BCAS3: variants seen among roughly 807,000 people sequenced by gnomAD.
The protein encoded by BCAS3 is BCAS3 microtubule associated cell migration factor.
BCAS3 carries 53 observed loss-of-function variants against 116.1 expected under a neutral mutation model. That is an observed-to-expected ratio of 0.46 (90% CI 0.37 to 0.57). The LOEUF is 0.57. Ranked by LOEUF, BCAS3 falls within the 20% of genes least tolerant of loss-of-function variation. BCAS3 has a pLI of 0.00. For synonymous variants in BCAS3, 391 were observed against 408.2 expected, an observed-to-expected ratio of 0.96 and a Z score of 0.51; for missense variants, 917 against 1,165.4, an observed-to-expected ratio of 0.79 and a Z score of 3.10.
intron 6 of BCAS3, among the ~76,000 whole-genome samples, chr17:60,777,154 A>G (rs747797071): frequency 6.6e-6 from 1 of 152,164 alleles, no homozygotes; most frequent in Non-Finnish European, 1.5e-5. Context: ...CGTGACTTCC[A>G]TGCTACCACT....
In BCAS3 at chr17:61,128,195, A is replaced by G. The variant is rs1370436870; in HGVS notation, c.2425+43631A>G. 4.6e-5 allele frequency: 45 copies of G among 985,344 alleles called. No homozygotes were observed. The highest frequency in any genetic ancestry group is 5.2e-5 in the Non-Finnish European group (43 of 829,938). The allele number at this position is 985,344 out of a possible 1,614,324, so 61.0% of individuals were successfully genotyped here. ...TCTTTTAGGAAGCCTTCCACCAGGA[A>G]TAGTGTGAGTCAAGGATGAGTACAT... On this transcript the variant is annotated intron_variant, in intron 22 of 23. Transcript: ENST00000407086. The surrounding 1 kb of genome is among the most constrained non-coding windows in gnomAD (Gnocchi z 4.1).
chr17:61,049,153 T>C (rs1306450101), intron 19 of BCAS3, among the ~76,000 whole-genome samples: 2 of 151,818 alleles, frequency 1.3e-5, no homozygotes, highest in South Asian at 4.2e-4. Context: ...TTTGAAAAAT[T>C]AGCCAGGTAT....
chr17:61,116,635 G>T (rs1263929349), intron 22 of BCAS3, among the ~76,000 whole-genome samples: 1 of 151,914 alleles, frequency 6.6e-6, no homozygotes, highest in Non-Finnish European at 1.5e-5. Context: ...TTTTCCCTTT[G>T]TTAAGAGATC....
In BCAS3 at chr17:60,902,623, A is replaced by G. The variant is rs775551528; in HGVS notation, c.742A>G (p.Ile248Val). 1 of 1,607,156 alleles carries G rather than the reference A, an allele frequency of 6.2e-7. No homozygotes were observed. Among genetic ancestry groups the G allele is most frequent in the Non-Finnish European group, 8.5e-7 (1 of 1,173,802 alleles). The change falls in exon 11 of 24, where the codon ATT becomes GTT. Residue 248 changes from isoleucine (I) to valine (V), a missense_variant. This residue lies in a region of BCAS3 where 807 missense variants were observed against 1,026.0 expected (regional missense o/e 0.79). Coordinates refer to ENST00000407086, the MANE Select transcript of BCAS3 (RefSeq NM_017679.5). ...TCTCTCTCTCTCTTTTTCTCAGTTG[A>G]TTCGATGTCATCAGTCCCGTGGTGG... ...RWLAYAENKLIRCHQSRGGAC... is the reference protein window; with the variant it reads ...RWLAYAENKLVRCHQSRGGAC...
chr17:60,758,823 T>C (rs1326021890), intron 6 of BCAS3, among the ~76,000 whole-genome samples: 1 of 152,250 alleles, frequency 6.6e-6, no homozygotes, highest in Non-Finnish European at 1.5e-5. Flanking sequence ...GTGTTTCCAT[T>C]TTAATTTGTT....
rs1299847296 is a variant in BCAS3 at position 61,083,405 on chromosome 17, T to G, written c.2328-1062T>G. 6.6e-6 allele frequency among the ~76,000 whole-genome samples: 1 copy of G among 152,188 alleles called. No individual in the cohort carries two copies. The highest frequency in any genetic ancestry group is 2.4e-5 in the African/African-American group (1 of 41,440). Reference sequence around the variant, plus strand: ...GAGTAATGCCTACAAGCAATTAATATTCAGTAAATACTTACTGTATGAATG... The same window carrying G: ...GAGTAATGCCTACAAGCAATTAATAGTCAGTAAATACTTACTGTATGAATG... On this transcript the variant is annotated intron_variant, in intron 21 of 23. Coordinates refer to ENST00000407086, the MANE Select transcript of BCAS3 (RefSeq NM_017679.5). The surrounding 1 kb of genome is among the most constrained non-coding windows in gnomAD (Gnocchi z 4.9).
chr17:61,252,738 C>G (rs2048461458), intron 22 of BCAS3, among the ~76,000 whole-genome samples: 1 of 152,148 alleles, frequency 6.6e-6, no homozygotes, highest in African/African-American at 2.4e-5. Context: ...TGCTTACAAC[C>G]ATAGTGATAG....
At chr17:60,947,392 A>G in intron 14 of BCAS3, 40 bp downstream of exon 14, 8 of 1,582,898 alleles carry the variant, frequency 5.1e-6, no homozygotes, top group Non-Finnish European at 6.9e-6. Flanking sequence ...TTCTTGGTGT[A>G]ATATGACATC....
chr17:60,680,717 C>T (rs1407707721), intron 2 of BCAS3, among the ~76,000 whole-genome samples: 1 of 151,876 alleles, frequency 6.6e-6, no homozygotes, highest in Admixed American at 6.6e-5. Flanking sequence ...CTCGCTGCAG[C>T]CTCCACCTCC....
At position 61,139,891 on chromosome 17, in the gene BCAS3, G is replaced by C. The variant is rs1296644578; in HGVS notation, c.2425+55327G>C. Among the ~76,000 whole-genome samples the C allele has an allele frequency of 2.0e-5, 3 of 152,108 alleles. No individual in the cohort carries two copies. The highest frequency in any genetic ancestry group is 7.2e-5 in the African/African-American group (3 of 41,406). On this transcript the variant is annotated intron_variant, in intron 22 of 23. Transcript: ENST00000407086. This position sits in a 1 kb window ranked among gnomAD's most constrained non-coding sequence, Gnocchi z 4.7. ...GTTTGAGCTAGAATTTGAGGAATAC[G>C]TGGAATTTTGGCAGGAGAAGATTGA... is the stretch of plus-strand genomic sequence containing the variant.
In BCAS3 at chr17:61,278,974, G is replaced by A. The variant is rs1159539281; in HGVS notation, c.2426-89353G>A. The stretch of plus-strand genomic sequence containing the variant: ...TACTTTTTTTTTTTTTTTTAAAGAT[G>A]GAGTCTTGCTTTGTCACCCAGGCTG... On this transcript the variant is annotated intron_variant, in intron 22 of 23. Coordinates refer to ENST00000407086, the MANE Select transcript of BCAS3 (RefSeq NM_017679.5). This position sits in a 1 kb window ranked among gnomAD's most constrained non-coding sequence, Gnocchi z 5.8. Among the ~76,000 whole-genome samples, 1 of 149,142 alleles carries A rather than the reference G, an allele frequency of 6.7e-6. No homozygotes were observed.
At chr17:61,386,511 T>C (rs927524716) in intron 23 of BCAS3, among the ~76,000 whole-genome samples, 4 of 152,210 alleles carry the variant, frequency 2.6e-5, no homozygotes, top group African/African-American at 4.8e-5. Flanking sequence ...TCAATGCTCA[T>C]GTACAGAGCC....
At chr17:61,174,304 A>G (rs1258965813) in intron 22 of BCAS3, among the ~76,000 whole-genome samples, 1 of 152,186 alleles carries the variant, frequency 6.6e-6, no homozygotes, top group African/African-American at 2.4e-5. Context: ...CGTTTGACCT[A>G]CATCTCACCA....
At chr17:60,736,734 G>C (rs1386408294) in intron 5 of BCAS3, among the ~76,000 whole-genome samples, 2 of 152,050 alleles carry the variant, frequency 1.3e-5, no homozygotes, top group African/African-American at 4.8e-5. Flanking sequence ...ATTTATTGTT[G>C]TGTGAGTTTT....
Position 60,727,581 on chromosome 17 carries a change from A to T in BCAS3, c.321+18256A>T, listed in dbSNP as rs1403986809. Reference sequence around the variant, plus strand: ...CTCGCCTGACAGGAAAGGAAAAAACAGACTTTATTTTTAAGGGCAGTTTTA... The same window carrying T: ...CTCGCCTGACAGGAAAGGAAAAAACTGACTTTATTTTTAAGGGCAGTTTTA... On this transcript the variant is annotated intron_variant, in intron 5 of 23. Coordinates refer to ENST00000407086, the MANE Select transcript of BCAS3 (RefSeq NM_017679.5). The T allele has an allele frequency of 4.3e-6, 4 of 926,376 alleles. No homozygotes were observed. The Admixed American group carries it at 8.2e-5, about 19-fold the overall frequency. 57.4% of individuals were successfully genotyped at this position (926,376 alleles called of 1,614,324 possible).
At chr17:60,946,077 G>A (rs956152332) in intron 13 of BCAS3, among the ~76,000 whole-genome samples, 3 of 151,632 alleles carry the variant, frequency 2.0e-5, no homozygotes, top group Admixed American at 6.6e-5. Flanking sequence ...CGTAGATCGC[G>A]CCACTGCACT....
rs1204965872 is a variant in BCAS3, at chr17:60,685,450, C to CAAAAAA, written c.138+1430_138+1435dup. Among the ~76,000 whole-genome samples the CAAAAAA allele has an allele frequency of 1.3e-4, 7 of 54,370 alleles. 1 individual carries two copies. Among genetic ancestry groups the CAAAAAA allele is most frequent in the East Asian group, 3.8e-4 (1 of 2,598 alleles). The allele number at this position is 54,370 out of a possible 152,430, so 35.7% of individuals were successfully genotyped here. ...GGGCAATAAGAGTGAAACTCCGTCT[C>CAAAAAA]AAAAAAAAAAAAAAAAAAAAAGAAC... On this transcript the variant is annotated intron_variant, in intron 3 of 23. Coordinates refer to ENST00000407086, the MANE Select transcript of BCAS3 (RefSeq NM_017679.5).
chr17:61,314,188 C>T (rs1349253744), intron 22 of BCAS3, among the ~76,000 whole-genome samples: 3 of 152,188 alleles, frequency 2.0e-5, no homozygotes, highest in Admixed American at 1.3e-4. Context: ...AGGAGATTCA[C>T]GTTTTGATCT....
intron 14 of BCAS3, among the ~76,000 whole-genome samples, chr17:60,986,460 AGTGTATGAGG>A (rs2063147896): frequency 6.6e-6 from 1 of 152,180 alleles, no homozygotes; most frequent in Non-Finnish European, 1.5e-5. Context: ...TCCCACCAAT[AGTGTATGAGG>A]GTTCCCTTTT....
Sources: gnomAD v4.1 joint callset for allele counts (sites outside exome capture counted in the v4.1 genomes callset) on GRCh38, gnomAD v4.1.1 for gene constraint, gnomAD v4.1.1 regional missense constraint, Gnocchi (gnomAD v3.1) non-coding constraint, MANE v1.5 for transcripts, NCBI Gene and HGNC (gene_info 2026-07-23, HGNC 2026-07-21) for gene names.